SNTG2: variants seen among roughly 807,000 people sequenced by gnomAD.
The protein encoded by SNTG2 is syntrophin gamma 2.
In SNTG2, 74 loss-of-function variants were observed where a neutral mutation model predicts 70.9. The ratio of observed to expected loss-of-function variants is 1.04; its 90% CI spans 0.86 to 1.27. SNTG2 has a LOEUF of 1.27. Among genes scored for constraint, SNTG2 ranks in the 50% most tolerant of loss-of-function variants. The pLI, the probability that SNTG2 is intolerant of heterozygous loss-of-function variation, is 0.00. For missense variants in SNTG2, 717 were observed against 690.7 expected, an observed-to-expected ratio of 1.04 and a Z score of -0.43; for synonymous variants, 278 against 273.8, an observed-to-expected ratio of 1.02 and a Z score of -0.15.
chr2:974,727 A>G (rs1018839147), intron 1 of SNTG2, among the ~76,000 whole-genome samples: 6 of 152,144 alleles, frequency 3.9e-5, no homozygotes, highest in Non-Finnish European at 7.3e-5. Context: ...GAAGTCTTTC[A>G]ATCCTGTCTC....
intron 9 of SNTG2, among the ~76,000 whole-genome samples, chr2:1,216,868 G>A (rs914231120): frequency 5.9e-5 from 9 of 151,778 alleles, no homozygotes; most frequent in African/African-American, 4.8e-5. Flanking sequence ...TCATGATAGC[G>A]AGTGAATTCT....
At chr2:1,010,427 T>A (rs1231445785) in intron 1 of SNTG2, among the ~76,000 whole-genome samples, 5 of 152,222 alleles carry the variant, frequency 3.3e-5, no homozygotes, top group African/African-American at 1.2e-4. Flanking sequence ...ATCAGCCTCA[T>A]GAGCGTGGTG....
intron 8 of SNTG2, among the ~76,000 whole-genome samples, chr2:1,192,398 T>C (rs1452740867): frequency 1.3e-5 from 2 of 152,188 alleles, no homozygotes; most frequent in East Asian, 3.9e-4. Context: ...TAGCCAGTGC[T>C]GTGCGATAAG....
intron 9 of SNTG2, among the ~76,000 whole-genome samples, chr2:1,225,165 T>G (rs1167429549): frequency 6.6e-6 from 1 of 152,222 alleles, no homozygotes; most frequent in Non-Finnish European, 1.5e-5. Flanking sequence ...ACATCCTCCT[T>G]GATTTCTTCA....
At chr2:1,093,843 G>A (rs916788538) in intron 2 of SNTG2, among the ~76,000 whole-genome samples, 9 of 152,174 alleles carry the variant, frequency 5.9e-5, no homozygotes, top group East Asian at 1.9e-4. Flanking sequence ...CCTTCTCACC[G>A]TTCTGGGAGG....
chr2:1,205,949 A>G (rs2147982447), intron 8 of SNTG2, among the ~76,000 whole-genome samples: 1 of 152,310 alleles, frequency 6.6e-6, no homozygotes, highest in South Asian at 2.1e-4. Context: ...TAAATTAAAC[A>G]GAGGAAAACA....
At chr2:964,587 A>C (rs1318009003) in intron 1 of SNTG2, among the ~76,000 whole-genome samples, 1 of 152,140 alleles carries the variant, frequency 6.6e-6, no homozygotes, top group Non-Finnish European at 1.5e-5. Context: ...GCCCTGAGGG[A>C]TGAGGCCTTG....
intron 6 of SNTG2, among the ~76,000 whole-genome samples, chr2:1,138,256 T>A (rs1273967016): frequency 1.3e-5 from 2 of 152,200 alleles, no homozygotes; most frequent in Non-Finnish European, 2.9e-5. Context: ...GCATAGAATG[T>A]GTGCCGTGGA....
Position 1,234,626 on chromosome 2 carries a change from C to T in SNTG2, c.720-3262C>T, listed in dbSNP as rs535614005. Among the ~76,000 whole-genome samples the T allele has an allele frequency of 7.1e-4, 108 of 152,290 alleles. 1 individual carries two copies. Among genetic ancestry groups the T allele is most frequent in the African/African-American group, 2.3e-3 (95 of 41,566 alleles). ...GGCATAAACGTGCCTGGACTGCAGA[C>T]GCCTTCCTTTTTATTGCAGGACACA... On this transcript the variant is annotated intron_variant, in intron 9 of 16. Coordinates refer to ENST00000308624, the MANE Select transcript of SNTG2 (RefSeq NM_018968.4).
At chr2:1,061,833 G>A (rs889106874) in intron 1 of SNTG2, among the ~76,000 whole-genome samples, 5 of 152,120 alleles carry the variant, frequency 3.3e-5, no homozygotes, top group Admixed American at 2.0e-4. Context: ...TCTGAACTTC[G>A]TCTTTGGAAT....
At chr2:1,026,579 T>C (rs1660492032) in intron 1 of SNTG2, among the ~76,000 whole-genome samples, 1 of 152,226 alleles carries the variant, frequency 6.6e-6, no homozygotes. Flanking sequence ...TATTCATGGA[T>C]GGCTCTTCGT....
chr2:993,223 C>A (rs112745310), intron 1 of SNTG2, among the ~76,000 whole-genome samples: 3 of 129,996 alleles, frequency 2.3e-5, no homozygotes, highest in African/African-American at 5.7e-5. Flanking sequence ...TATCCCTCCC[C>A]CCTCCCCCGA....
chr2:1,341,313 G>C (rs947711272), intron 16 of SNTG2: 2 of 152,236 alleles, frequency 1.3e-5, no homozygotes, highest in African/African-American at 4.8e-5. Flanking sequence ...ATGTTAACAA[G>C]AGAGAAGCAG....
intron 1 of SNTG2, among the ~76,000 whole-genome samples, chr2:1,027,296 C>T (rs2148024715): frequency 6.6e-6 from 1 of 152,108 alleles, no homozygotes; most frequent in African/African-American, 2.4e-5. Flanking sequence ...AGACACTACC[C>T]AGCAAGTAAC....
At chr2:1,357,251 C>A (rs1305691771) in intron 16 of SNTG2, among the ~76,000 whole-genome samples, 1 of 152,172 alleles carries the variant, frequency 6.6e-6, no homozygotes, top group Non-Finnish European at 1.5e-5. Flanking sequence ...ATTTCAGCCT[C>A]TCACCATAGA....
chr2:1,004,597 C>T (rs13426672), intron 1 of SNTG2, among the ~76,000 whole-genome samples: 21,515 of 152,154 alleles, frequency 0.14, 1,614 homozygotes, highest in Middle Eastern at 0.21. Flanking sequence ...TTGCAAATTA[C>T]AGCCGCAATG....
chr2:1,254,130 T>C (rs1677914756), intron 12 of SNTG2, among the ~76,000 whole-genome samples: 1 of 152,204 alleles, frequency 6.6e-6, no homozygotes, highest in Non-Finnish European at 1.5e-5. Flanking sequence ...ACCCCAACCG[T>C]ATCAGAAGGG....
chr2:1,074,289 C>G (rs572407773), intron 1 of SNTG2, among the ~76,000 whole-genome samples: 1 of 152,196 alleles, frequency 6.6e-6, no homozygotes, highest in Non-Finnish European at 1.5e-5. Context: ...GACTGTAAAT[C>G]ACTGTGACCT....
At chr2:1,039,994 G>A (rs1661341748) in intron 1 of SNTG2, among the ~76,000 whole-genome samples, 1 of 152,160 alleles carries the variant, frequency 6.6e-6, no homozygotes, top group Admixed American at 6.5e-5. Flanking sequence ...GGCTTCAGTT[G>A]AAAGAGAAGG....
Sources: allele counts gnomAD v4.1 joint callset (sites outside exome capture counted in the v4.1 genomes callset), GRCh38; gene constraint gnomAD v4.1.1; transcripts MANE v1.5; gene names NCBI Gene and HGNC (gene_info 2026-07-23, HGNC 2026-07-21).